The following SLC9A9 variants were observed in gnomAD, a reference collection of about 807,000 sequenced individuals.
SLC9A9 encodes sodium/hydrogen exchanger 9.
Under a neutral mutation model 77.8 loss-of-function variants are expected in SLC9A9, and 62 were observed. That is an observed-to-expected ratio of 0.80 (90% CI 0.65 to 0.98). The LOEUF (loss-of-function observed/expected upper bound fraction) is 0.98, where lower values mean the gene tolerates loss of function less well. Among genes scored for constraint, SLC9A9 ranks in the 50% least tolerant of loss-of-function variants. SLC9A9 has a pLI of 0.00. For synonymous variants in SLC9A9, 320 were observed against 283.5 expected (o/e 1.13, Z -1.29); for missense variants, 775 against 774.9 (o/e 1.00, Z 0.00).
At chr3:143,559,717 A>G (rs1048283913) in intron 8 of SLC9A9, among the ~76,000 whole-genome samples, 1 of 152,228 alleles carries the variant, frequency 6.6e-6, no homozygotes, top group Non-Finnish European at 1.5e-5. Context: ...GTAAAATTTA[A>G]AAATATATTG....
chr3:143,799,046 A>G (rs1383283703), intron 2 of SLC9A9, among the ~76,000 whole-genome samples: 2 of 152,072 alleles, frequency 1.3e-5, no homozygotes, highest in Non-Finnish European at 2.9e-5. Flanking sequence ...CTGTTCCACG[A>G]CTAGTCCTCC....
At position 143,795,024 on chromosome 3, in the gene SLC9A9, A is replaced by G. The variant is rs370975875; in HGVS notation, c.510T>C (p.Thr170=). The G allele has an allele frequency of 6.2e-7, 1 of 1,614,024 alleles. No individual in the cohort carries two copies. The highest frequency in any genetic ancestry group is 8.5e-7 in the Non-Finnish European group (1 of 1,179,938). Residue 170 remains threonine (T), a synonymous_variant, in exon 4 of 16, where the codon ACT becomes ACC. Coordinates refer to ENST00000316549, the MANE Select transcript of SLC9A9 (RefSeq NM_173653.4). ...GSILTYAFLG[T]AISCIVIGLI... The stretch of plus-strand genomic sequence containing the variant: ...ACCCTATGACGATGCAGGAGATGGC[A>G]GTTCCCAAGAAGGCATACGTTAAAA...
At chr3:143,763,611 A>G (rs964955432) in intron 4 of SLC9A9, among the ~76,000 whole-genome samples, 1 of 152,158 alleles carries the variant, frequency 6.6e-6, no homozygotes, top group Non-Finnish European at 1.5e-5. Flanking sequence ...ACTTGTTTGT[A>G]CATGCCAGAT....
intron 6 of SLC9A9, 115 bp downstream of exon 6, chr3:143,652,140 C>T (rs923798102): frequency 2.4e-6 from 2 of 827,350 alleles, no homozygotes; most frequent in East Asian, 2.7e-5. Flanking sequence ...TCTGTGATAA[C>T]AATTCCTTGA....
chr3:143,732,978 C>CG (rs1220688230), intron 4 of SLC9A9, among the ~76,000 whole-genome samples: 5 of 149,964 alleles, frequency 3.3e-5, no homozygotes, highest in Non-Finnish European at 5.9e-5. Context: ...TCGAAACCAT[C>CG]AATGACCTGA....
chr3:143,777,555 A>T (rs1216348011), intron 4 of SLC9A9, among the ~76,000 whole-genome samples: 1 of 152,152 alleles, frequency 6.6e-6, no homozygotes, highest in Non-Finnish European at 1.5e-5. Flanking sequence ...ATAACATAAA[A>T]ATGATTTTCT....
In SLC9A9 at chr3:143,266,633, A is replaced by T. The variant is rs116037999; in HGVS notation, c.*69T>A. 1 of 1,525,734 alleles carries T rather than the reference A, an allele frequency of 6.6e-7. No individual in the cohort carries two copies. The highest frequency in any genetic ancestry group is 1.4e-5 in the African/African-American group (1 of 73,202). 94.5% of individuals were successfully genotyped at this position (1,525,734 alleles called of 1,614,324 possible). A position where few individuals can be genotyped will look rare whatever the true frequency, so the allele number is the denominator to read the frequency against. ...TCCAGCCTCTCCCCTGTACTGCCTCATCAGCTTGGCTTGTATTCCTCAGTG... is the reference window on the plus strand; with the variant it reads ...TCCAGCCTCTCCCCTGTACTGCCTCTTCAGCTTGGCTTGTATTCCTCAGTG... On this transcript the variant is annotated 3_prime_UTR_variant, in exon 16 of 16. Coordinates refer to ENST00000316549, the MANE Select transcript of SLC9A9 (RefSeq NM_173653.4).
At chr3:143,357,547 C>G (rs1041602623) in intron 14 of SLC9A9, among the ~76,000 whole-genome samples, 1 of 152,092 alleles carries the variant, frequency 6.6e-6, no homozygotes, top group Non-Finnish European at 1.5e-5. Flanking sequence ...CTAAAACAAC[C>G]AATTATACAC....
chr3:143,541,192 A>G (rs928322316), intron 9 of SLC9A9, among the ~76,000 whole-genome samples: 3 of 152,212 alleles, frequency 2.0e-5, no homozygotes, highest in Non-Finnish European at 4.4e-5. Flanking sequence ...AACTTTAGAG[A>G]CTAGTTAATC....
chr3:143,768,082 C>T lies in SLC9A9; in HGVS notation c.533+26919G>A, dbSNP rs148987936. On this transcript the variant is annotated intron_variant, in intron 4 of 15. Coordinates refer to ENST00000316549, the MANE Select transcript of SLC9A9 (RefSeq NM_173653.4). The stretch of plus-strand genomic sequence containing the variant: ...CTAGACTTTTCCATCTTTCTCACCA[C>T]TTTCTTTTCCTTCTTATTCTTCACA... 4.9e-3 allele frequency among the ~76,000 whole-genome samples: 749 copies of T among 152,276 alleles called. 6 individuals carry two copies. The highest frequency in any genetic ancestry group is 6.5e-3 in the Admixed American group (99 of 15,278).
chr3:143,488,473 T>A (rs528839303), intron 11 of SLC9A9, among the ~76,000 whole-genome samples: 1 of 152,072 alleles, frequency 6.6e-6, no homozygotes, highest in East Asian at 1.9e-4. Flanking sequence ...TGCTATTCCT[T>A]ATGAACATAA....
At chr3:143,697,348 A>C (rs1417618431) in intron 4 of SLC9A9, among the ~76,000 whole-genome samples, 1 of 152,152 alleles carries the variant, frequency 6.6e-6, no homozygotes, top group East Asian at 1.9e-4. Context: ...ATAGAATTCG[A>C]TGACTCCTCC....
intron 4 of SLC9A9, among the ~76,000 whole-genome samples, chr3:143,706,878 T>C (rs1331237768): frequency 6.6e-6 from 1 of 152,180 alleles, no homozygotes; most frequent in East Asian, 1.9e-4. Flanking sequence ...CTCAAGATAA[T>C]CCTTCTTAGA....
intron 2 of SLC9A9, among the ~76,000 whole-genome samples, chr3:143,805,319 T>G (rs1230816928): frequency 6.6e-6 from 1 of 152,120 alleles, no homozygotes; most frequent in Non-Finnish European, 1.5e-5. Flanking sequence ...TTGACCTCTT[T>G]CACTCTAGGT....
At chr3:143,765,852 G>A (rs2007296695) in intron 4 of SLC9A9, among the ~76,000 whole-genome samples, 1 of 152,200 alleles carries the variant, frequency 6.6e-6, no homozygotes, top group Non-Finnish European at 1.5e-5. Flanking sequence ...CCAATAGGAT[G>A]TTAGCAGACT....
At chr3:143,744,333 C>T (rs1935153533) in intron 4 of SLC9A9, among the ~76,000 whole-genome samples, 1 of 152,186 alleles carries the variant, frequency 6.6e-6, no homozygotes, top group African/African-American at 2.4e-5. Context: ...CTTCACGCCC[C>T]TGTCAAAGAC....
chr3:143,372,900 A>G (rs780209752), intron 13 of SLC9A9, among the ~76,000 whole-genome samples: 1 of 152,220 alleles, frequency 6.6e-6, no homozygotes, highest in African/African-American at 2.4e-5. Context: ...TAAAGCCACA[A>G]TGAGATACTA....
chr3:143,834,748 T>A (rs2009526837), intron 1 of SLC9A9, among the ~76,000 whole-genome samples: 1 of 152,086 alleles, frequency 6.6e-6, no homozygotes, highest in Non-Finnish European at 1.5e-5. Context: ...GCCCTGACTA[T>A]CCCTCTGCAC....
intron 11 of SLC9A9, among the ~76,000 whole-genome samples, chr3:143,475,764 C>T (rs1210384537): frequency 6.7e-6 from 1 of 149,288 alleles, no homozygotes; most frequent in East Asian, 2.0e-4. Context: ...TGCACTCCAG[C>T]CTGGGCGACA....
Sources: allele counts gnomAD v4.1 joint callset (sites outside exome capture counted in the v4.1 genomes callset), GRCh38; gene constraint gnomAD v4.1.1; transcripts MANE v1.5; gene names NCBI Gene and HGNC (gene_info 2026-07-23, HGNC 2026-07-21).